Variants in ANKS1B observed in about 807,000 individuals in gnomAD.
The protein encoded by ANKS1B is ankyrin repeat and sterile alpha motif domain containing 1B, also known as ankyrin repeat and sterile alpha motif domain-containing protein 1B.
A neutral mutation model predicts 148.3 loss-of-function variants in ANKS1B; 36 were observed. That is an observed-to-expected ratio of 0.24 (90% CI 0.19 to 0.32). The LOEUF (loss-of-function observed/expected upper bound fraction) is 0.32. Among genes scored for constraint, ANKS1B ranks in the 10% least tolerant of loss-of-function variants. The pLI is 1.00. For synonymous variants in ANKS1B, 542 were observed against 560.8 expected (o/e 0.97, Z 0.47); for missense variants, 1,157 against 1,542.6 (o/e 0.75, Z 4.19).
At chr12:98,803,529 C>A (rs1036649226) in intron 20 of ANKS1B, among the ~76,000 whole-genome samples, 1 of 152,180 alleles carries the variant, frequency 6.6e-6, no homozygotes, top group African/African-American at 2.4e-5. Context: ...TTCCAAAGAT[C>A]CTTTGATCCA....
chr12:99,128,393 G>A (rs974922223), intron 15 of ANKS1B, among the ~76,000 whole-genome samples: 3 of 152,164 alleles, frequency 2.0e-5, no homozygotes, highest in African/African-American at 7.2e-5. Flanking sequence ...ATGAAATTAG[G>A]ACACGGACCA....
intron 23 of ANKS1B, among the ~76,000 whole-genome samples, 178 bp downstream of exon 23, chr12:98,781,948 T>A (rs1183413560): frequency 6.6e-6 from 1 of 152,222 alleles, no homozygotes; most frequent in Non-Finnish European, 1.5e-5. Context: ...ACTGGCTGAA[T>A]GTGCTTAGAG....
At chr12:99,802,570 T>C (rs2067080790) in intron 4 of ANKS1B, among the ~76,000 whole-genome samples, 1 of 152,186 alleles carries the variant, frequency 6.6e-6, no homozygotes, top group Admixed American at 6.6e-5. Flanking sequence ...AGAGTAATGA[T>C]GCAGAAAATA....
At chr12:99,081,224 G>A (rs2049635296) in intron 16 of ANKS1B, among the ~76,000 whole-genome samples, 1 of 152,054 alleles carries the variant, frequency 6.6e-6, no homozygotes, top group African/African-American at 2.4e-5. Context: ...TGAAAAATAT[G>A]CTTTGAAGTG....
chr12:99,125,615 G>A (rs796394930), intron 15 of ANKS1B, among the ~76,000 whole-genome samples: 84 of 152,246 alleles, frequency 5.5e-4, no homozygotes, highest in African/African-American at 1.9e-3. Flanking sequence ...AGATAAAGTC[G>A]AGGTGATAGA....
chr12:98,915,363 T>G (rs1300365886), intron 17 of ANKS1B, among the ~76,000 whole-genome samples: 1 of 151,392 alleles, frequency 6.6e-6, no homozygotes, highest in Admixed American at 6.6e-5. Flanking sequence ...GAGACAGAAT[T>G]TTTTTTTAGA....
intron 9 of ANKS1B, among the ~76,000 whole-genome samples, chr12:99,521,539 G>C (rs2096874888): frequency 6.6e-6 from 1 of 152,110 alleles, no homozygotes; most frequent in African/African-American, 2.4e-5. Context: ...TCTTGGCAAG[G>C]CTTTCCAGAT....
chr12:98,841,116 G>T (rs2099403509), intron 17 of ANKS1B, among the ~76,000 whole-genome samples: 1 of 152,076 alleles, frequency 6.6e-6, no homozygotes, highest in African/African-American at 2.4e-5. Context: ...GCTAACGAGG[G>T]TATTTTCTAA....
At chr12:99,936,790 TA>T (rs2094784933) in intron 1 of ANKS1B, among the ~76,000 whole-genome samples, 1 of 152,172 alleles carries the variant, frequency 6.6e-6, no homozygotes. Flanking sequence ...TGACCTTGCA[TA>T]AATTCACACT....
chr12:98,904,576 T>A (rs548178071), intron 17 of ANKS1B, among the ~76,000 whole-genome samples: 153 of 152,350 alleles, frequency 1.0e-3, no homozygotes, highest in South Asian at 2.9e-3. Context: ...ATAACACTTT[T>A]ATGTTCAGCC....
At chr12:99,647,848 G>A (rs910418370) in intron 9 of ANKS1B, 9 of 317,208 alleles carry the variant, frequency 2.8e-5, no homozygotes, top group Admixed American at 4.4e-5. Context: ...TGGAATATCA[G>A]GCTCAAATGG....
intron 14 of ANKS1B, among the ~76,000 whole-genome samples, chr12:99,200,236 C>T (rs995683389): frequency 2.0e-5 from 3 of 152,204 alleles, no homozygotes; most frequent in African/African-American, 4.8e-5. Flanking sequence ...AGTGGAACTA[C>T]ATCATAAGGT....
intron 8 of ANKS1B, among the ~76,000 whole-genome samples, chr12:99,671,370 G>T (rs889632348): frequency 6.1e-5 from 9 of 146,366 alleles, no homozygotes; most frequent in African/African-American, 1.9e-4. Flanking sequence ...GACTGAAACA[G>T]AAATTAATAG....
chr12:99,384,915 A>G (rs1271220591), intron 12 of ANKS1B, among the ~76,000 whole-genome samples: 2 of 152,144 alleles, frequency 1.3e-5, no homozygotes, highest in African/African-American at 4.8e-5. Flanking sequence ...TTAACATTTT[A>G]TAAGTACTAA....
rs948686036 is a variant in ANKS1B at position 99,401,148 on chromosome 12, T to C, written c.1576-1337A>G. 2.1e-5 allele frequency among the ~76,000 whole-genome samples: 3 copies of C among 146,260 alleles called. 1 individual carries two copies. Among genetic ancestry groups the C allele is most frequent in the Admixed American group, 1.4e-4 (2 of 14,760 alleles). On this transcript the variant is annotated intron_variant, in intron 11 of 26. Coordinates refer to ENST00000683438, the MANE Select transcript of ANKS1B (RefSeq NM_001352186.2). The stretch of plus-strand genomic sequence containing the variant: ...TTATTATGACACATCAACTCAGTAA[T>C]AGAATTCAAATTAGCACCCACAGAG...
intron 12 of ANKS1B, among the ~76,000 whole-genome samples, chr12:99,351,683 G>A (rs2091438914): frequency 1.3e-5 from 2 of 152,024 alleles, no homozygotes. Flanking sequence ...ATATGACAAA[G>A]AACAGGTGCT....
chr12:99,397,267 A>C (rs772130433), intron 12 of ANKS1B, among the ~76,000 whole-genome samples: 2 of 152,154 alleles, frequency 1.3e-5, no homozygotes, highest in Non-Finnish European at 2.9e-5. Context: ...AGTACAGGGT[A>C]AGTTAATCTA....
chr12:99,130,931 A>C (rs1393663930), intron 15 of ANKS1B, among the ~76,000 whole-genome samples: 1 of 152,136 alleles, frequency 6.6e-6, no homozygotes, highest in Non-Finnish European at 1.5e-5. Flanking sequence ...TCCTTTAAGG[A>C]CTGGTTCAAA....
At chr12:99,580,836 C>T (rs971503747) in intron 9 of ANKS1B, among the ~76,000 whole-genome samples, 2 of 152,050 alleles carry the variant, frequency 1.3e-5, no homozygotes, top group African/African-American at 4.8e-5. Flanking sequence ...TTTGCATGTA[C>T]CAATGTGCCA....
Sources: gnomAD v4.1 joint callset for allele counts (sites outside exome capture counted in the v4.1 genomes callset) on GRCh38, gnomAD v4.1.1 for gene constraint, MANE v1.5 for transcripts, NCBI Gene and HGNC (gene_info 2026-07-23, HGNC 2026-07-21) for gene names.